The following PDGFD variants were observed in gnomAD, a reference collection of about 807,000 sequenced individuals.
The protein encoded by PDGFD is platelet derived growth factor D.
PDGFD carries 30 observed loss-of-function variants against 44.7 expected under a neutral mutation model. The observed-to-expected ratio is 0.67, with a 90% CI of 0.50 to 0.91. The LOEUF (loss-of-function observed/expected upper bound fraction) is 0.91, where lower values mean the gene tolerates loss of function less well. PDGFD is among the 40% of genes least tolerant of loss of function. The probability of loss-of-function intolerance (pLI) is 0.00; values close to 1 mark genes in which losing one functional copy is unlikely to be tolerated. For synonymous variants in PDGFD, 173 were observed against 168.4 expected, an observed-to-expected ratio of 1.03 and a Z score of -0.21; for missense variants, 445 against 457.8, an observed-to-expected ratio of 0.97 and a Z score of 0.25.
At chr11:104,127,931 C>T (rs1016036460) in intron 1 of PDGFD, among the ~76,000 whole-genome samples, 7 of 152,150 alleles carry the variant, frequency 4.6e-5, no homozygotes, top group African/African-American at 1.7e-4. Context: ...CATTTCATCT[C>T]TTTGCCTCTC....
At chr11:104,036,278 A>T (rs539429290) in intron 1 of PDGFD, among the ~76,000 whole-genome samples, 7 of 148,620 alleles carry the variant, frequency 4.7e-5, no homozygotes, top group African/African-American at 7.7e-5. Context: ...CAAATCTATT[A>T]AAAAAAAATA....
chr11:104,134,313 T>C (rs929106495), intron 1 of PDGFD, among the ~76,000 whole-genome samples: 2 of 152,176 alleles, frequency 1.3e-5, no homozygotes, highest in African/African-American at 2.4e-5. Context: ...TTCCAGCTGC[T>C]AAGTGTCTCT....
chr11:104,000,504 A>C (rs910794960), intron 1 of PDGFD, among the ~76,000 whole-genome samples: 2 of 152,224 alleles, frequency 1.3e-5, no homozygotes, highest in Non-Finnish European at 2.9e-5. Flanking sequence ...AAACAAAAGA[A>C]AAGACTCTAG....
At chr11:103,984,847 A>C (rs1309045274) in intron 3 of PDGFD, among the ~76,000 whole-genome samples, 4 of 142,862 alleles carry the variant, frequency 2.8e-5, no homozygotes, top group Non-Finnish European at 6.0e-5. Flanking sequence ...AATTTATTTA[A>C]TATATAATAC....
At chr11:104,133,004 T>C (rs1370924633) in intron 1 of PDGFD, among the ~76,000 whole-genome samples, 1 of 152,138 alleles carries the variant, frequency 6.6e-6, no homozygotes, top group Non-Finnish European at 1.5e-5. Context: ...CTCTTCATCA[T>C]TTGAACTGTA....
At chr11:104,136,186 A>G (rs1475328619) in intron 1 of PDGFD, among the ~76,000 whole-genome samples, 1 of 152,220 alleles carries the variant, frequency 6.6e-6, no homozygotes, top group Non-Finnish European at 1.5e-5. Flanking sequence ...AAGACATAAT[A>G]TTGTGTCTAT....
At chr11:104,019,024 T>C (rs912550848) in intron 1 of PDGFD, among the ~76,000 whole-genome samples, 1 of 152,164 alleles carries the variant, frequency 6.6e-6, no homozygotes, top group South Asian at 2.1e-4. Context: ...CTGCAAAGAA[T>C]GCTCACCCTC....
At chr11:103,990,334 T>C (rs1360685542) in intron 3 of PDGFD, among the ~76,000 whole-genome samples, 1 of 152,232 alleles carries the variant, frequency 6.6e-6, no homozygotes, top group Non-Finnish European at 1.5e-5. Flanking sequence ...GCGTCATTGC[T>C]TCCTAATATT....
intron 1 of PDGFD, among the ~76,000 whole-genome samples, chr11:104,041,975 G>T (rs1860361044): frequency 6.6e-6 from 1 of 152,182 alleles, no homozygotes; most frequent in Non-Finnish European, 1.5e-5. Context: ...AAGCACTTAA[G>T]TGATGAGAGT....
chr11:104,010,219 C>A (rs767051749), intron 1 of PDGFD, among the ~76,000 whole-genome samples: 1 of 150,850 alleles, frequency 6.6e-6, no homozygotes, highest in East Asian at 1.9e-4. Flanking sequence ...CTCTTTTTGG[C>A]ACAAACAAAG....
chr11:104,048,712 G>A (rs895620920), intron 1 of PDGFD, among the ~76,000 whole-genome samples: 4 of 152,036 alleles, frequency 2.6e-5, no homozygotes, highest in East Asian at 1.9e-4. Flanking sequence ...AGTCCAATTC[G>A]TGGTATGCCA....
chr11:104,050,069 T>G (rs905485620), intron 1 of PDGFD, among the ~76,000 whole-genome samples: 1 of 152,140 alleles, frequency 6.6e-6, no homozygotes, highest in African/African-American at 2.4e-5. Context: ...ATATGGGTAG[T>G]TCAGTATGGG....
chr11:103,999,870 T>C (rs187088451), intron 2 of PDGFD, among the ~76,000 whole-genome samples, 181 bp downstream of exon 2: 113 of 152,232 alleles, frequency 7.4e-4, no homozygotes, highest in African/African-American at 2.6e-3. Flanking sequence ...GTTATTCGGC[T>C]CTCTGCCTCA....
chr11:103,953,629 T>C (rs1018269498), intron 3 of PDGFD, among the ~76,000 whole-genome samples: 2 of 152,194 alleles, frequency 1.3e-5, no homozygotes, highest in African/African-American at 2.4e-5. Flanking sequence ...TAGGGGTAAA[T>C]GATCACAAAT....
intron 1 of PDGFD, among the ~76,000 whole-genome samples, chr11:104,066,323 G>T (rs1469872473): frequency 6.6e-6 from 1 of 152,128 alleles, no homozygotes; most frequent in Non-Finnish European, 1.5e-5. Flanking sequence ...AATTAATTTG[G>T]ATGGAATGTT....
At chr11:103,952,695 A>C (rs146673526) in intron 3 of PDGFD, among the ~76,000 whole-genome samples, 2 of 152,338 alleles carry the variant, frequency 1.3e-5, no homozygotes, top group African/African-American at 4.8e-5. Flanking sequence ...CCAACCCACC[A>C]AATAATGTTA....
intron 1 of PDGFD, among the ~76,000 whole-genome samples, chr11:104,041,487 G>A (rs1286758917): frequency 6.6e-6 from 1 of 151,014 alleles, no homozygotes. Flanking sequence ...AATTTACTAC[G>A]TGAAAATGGA....
intron 1 of PDGFD, among the ~76,000 whole-genome samples, chr11:104,069,807 T>G (rs554784951): frequency 1.3e-5 from 2 of 152,242 alleles, no homozygotes; most frequent in East Asian, 3.9e-4. Context: ...TTGCAGTGAG[T>G]CTAGCTCGTG....
chr11:104,077,329 G>A (rs1326967040), intron 1 of PDGFD, among the ~76,000 whole-genome samples: 4 of 152,180 alleles, frequency 2.6e-5, no homozygotes, highest in Admixed American at 6.5e-5. Flanking sequence ...AAGAAGGAAG[G>A]ATGTAAGGCA....
Sources: gnomAD v4.1 joint callset for allele counts (sites outside exome capture counted in the v4.1 genomes callset) on GRCh38, gnomAD v4.1.1 for gene constraint, MANE v1.5 for transcripts, NCBI Gene and HGNC (gene_info 2026-07-23, HGNC 2026-07-21) for gene names.